The following MAF variants were observed in gnomAD, a reference collection of about 807,000 sequenced individuals.
The protein encoded by MAF is MAF bZIP transcription factor, also known as transcription factor Maf.
A neutral mutation model predicts 22.0 loss-of-function variants in MAF; 10 were observed. The ratio of observed to expected loss-of-function variants is 0.45; its 90% CI spans 0.28 to 0.77. The LOEUF (loss-of-function observed/expected upper bound fraction) is 0.77. Among genes scored for constraint, MAF ranks in the 30% least tolerant of loss-of-function variants. The probability of loss-of-function intolerance (pLI) is 0.12; values close to 1 mark genes in which losing one functional copy is unlikely to be tolerated. For missense variants in MAF, 544 were observed against 548.4 expected (o/e 0.99, Z 0.08); for synonymous variants, 337 against 255.8 (o/e 1.32, Z -3.03).
At chr16:79,512,882 C>T in the MAF span, among the ~76,000 whole-genome samples, 27,005 of 152,198 alleles carry the variant, frequency 0.18, 2,696 homozygotes, top group Non-Finnish European at 0.24. Context: ...ACATTCCACA[C>T]GTGCTGTATA....
At chr16:79,217,918 G>T in the MAF span, among the ~76,000 whole-genome samples, 1 of 127,480 alleles carries the variant, frequency 7.8e-6, no homozygotes, top group Non-Finnish European at 1.6e-5. Context: ...CACTAGGCCA[G>T]AAAGACTTGG....
intron 1 of MAF, among the ~76,000 whole-genome samples, chr16:79,586,103 AC>A (rs1315177882): frequency 6.6e-6 from 1 of 152,144 alleles, no homozygotes; most frequent in Non-Finnish European, 1.5e-5. Flanking sequence ...GGTGGCCTCA[AC>A]CCTGTCAAGC....
the MAF span, among the ~76,000 whole-genome samples, chr16:79,530,249 T>C: frequency 0.017 from 2,525 of 152,288 alleles, 74 homozygotes; most frequent in African/African-American, 0.058. Flanking sequence ...AGGGAAACCA[T>C]GACACAACAG....
the MAF span, among the ~76,000 whole-genome samples, chr16:79,303,763 C>T: frequency 1.3e-5 from 2 of 152,084 alleles, no homozygotes; most frequent in African/African-American, 4.8e-5. Context: ...TTATCTGCTG[C>T]CACAAGCCAA....
At chr16:79,478,776 G>A in the MAF span, among the ~76,000 whole-genome samples, 1 of 152,072 alleles carries the variant, frequency 6.6e-6, no homozygotes, top group Non-Finnish European at 1.5e-5. Flanking sequence ...CACCACCCCA[G>A]CATACCCGTA....
At position 79,599,506 on chromosome 16, in the gene MAF, G is replaced by A; in HGVS notation, c.397C>T (p.Arg133Cys). Residue 133 changes from arginine (R) to cysteine (C), a missense_variant, in exon 1 of 2, where the codon CGC (arginine) becomes TGC (cysteine). Transcript: ENST00000326043. ...GCCGCGGCCAGCTGCTGCGCCCCGC[G>A]CGCGTAGCCATCGAAGCCGCCCTGG... ...QLQGGFDGYA[R>C]GAQQLAAAAG... The A allele has an allele frequency of 6.6e-7, 1 of 1,514,672 alleles. No homozygotes were observed. The highest frequency in any genetic ancestry group is 8.8e-7 in the Non-Finnish European group (1 of 1,134,020). 93.8% of individuals were successfully genotyped at this position (1,514,672 alleles called of 1,614,324 possible).
chr16:79,572,239 C>T, the MAF span, among the ~76,000 whole-genome samples: 2 of 152,174 alleles, frequency 1.3e-5, no homozygotes, highest in Admixed American at 6.5e-5. Context: ...AGCAACACCA[C>T]AGGGGCCGTT....
chr16:79,571,361 A>G, the MAF span, among the ~76,000 whole-genome samples: 6 of 152,024 alleles, frequency 3.9e-5, no homozygotes, highest in Admixed American at 6.6e-5. Context: ...CTGCAGAAAC[A>G]AAACAAAATA....
At chr16:79,301,505 G>C in the MAF span, among the ~76,000 whole-genome samples, 2 of 152,106 alleles carry the variant, frequency 1.3e-5, no homozygotes, top group Non-Finnish European at 2.9e-5. Flanking sequence ...CTGACTCTTG[G>C]ATAGGACGCA....
At chr16:79,386,959 G>A in the MAF span, among the ~76,000 whole-genome samples, 12 of 152,196 alleles carry the variant, frequency 7.9e-5, no homozygotes, top group Non-Finnish European at 1.6e-4. Flanking sequence ...TAGCTTTAGA[G>A]TTGGTTATAC....
chr16:79,420,004 G>GTTTTT, the MAF span, among the ~76,000 whole-genome samples: 2 of 148,734 alleles, frequency 1.3e-5, no homozygotes, highest in Non-Finnish European at 1.5e-5. Context: ...GTAACACACG[G>GTTTTT]TTTTTTTTTT....
At chr16:79,380,396 C>A in the MAF span, among the ~76,000 whole-genome samples, 1 of 152,194 alleles carries the variant, frequency 6.6e-6, no homozygotes, top group African/African-American at 2.4e-5. Context: ...CTGAATGCTT[C>A]TTAGGTCCAC....
chr16:79,215,727 C>T, the MAF span, among the ~76,000 whole-genome samples: 1 of 152,182 alleles, frequency 6.6e-6, no homozygotes, highest in Non-Finnish European at 1.5e-5. Flanking sequence ...ATTTAACAAA[C>T]ATACCAAGTG....
chr16:79,501,237 G>T, the MAF span, among the ~76,000 whole-genome samples: 1 of 152,312 alleles, frequency 6.6e-6, no homozygotes, highest in South Asian at 2.1e-4. Context: ...CTGCCTCCTT[G>T]AAGGGTTGTC....
chr16:79,482,842 TC>T, the MAF span, among the ~76,000 whole-genome samples: 2 of 89,808 alleles, frequency 2.2e-5, no homozygotes, highest in African/African-American at 5.2e-5. Context: ...CCCCCCTCCA[TC>T]CCCTCCCCTC....
the MAF span, among the ~76,000 whole-genome samples, chr16:79,334,197 G>C: frequency 5.3e-5 from 8 of 152,200 alleles, no homozygotes; most frequent in African/African-American, 1.9e-4. Context: ...GACAACCCAA[G>C]TGTCTGTCAA....
chr16:79,308,345 C>T, the MAF span, among the ~76,000 whole-genome samples: 4 of 152,178 alleles, frequency 2.6e-5, no homozygotes, highest in African/African-American at 4.8e-5. Context: ...GTCCTCCAAA[C>T]TTCAGAGAGG....
At chr16:79,400,227 A>T in the MAF span, among the ~76,000 whole-genome samples, 2 of 152,198 alleles carry the variant, frequency 1.3e-5, no homozygotes, top group African/African-American at 4.8e-5. Flanking sequence ...CAGGAGTGCC[A>T]CAGTTGAGAG....
the MAF span, among the ~76,000 whole-genome samples, chr16:79,366,829 G>T: frequency 6.6e-5 from 10 of 152,206 alleles, no homozygotes; most frequent in Non-Finnish European, 7.3e-5. Flanking sequence ...TTGGGGCATT[G>T]TTTGTTGTTG....
Sources: gnomAD v4.1 joint callset for allele counts (sites outside exome capture counted in the v4.1 genomes callset) on GRCh38, gnomAD v4.1.1 for gene constraint, MANE v1.5 for transcripts, NCBI Gene and HGNC (gene_info 2026-07-23, HGNC 2026-07-21) for gene names.